Variants in SLX4IP observed in about 807,000 individuals in gnomAD.
SLX4IP encodes the protein protein SLX4IP.
In SLX4IP, 34 loss-of-function variants were observed where a neutral mutation model predicts 32.9. The ratio of observed to expected loss-of-function variants is 1.03; its 90% CI spans 0.79 to 1.38. The LOEUF (loss-of-function observed/expected upper bound fraction) is 1.38, where lower values mean the gene tolerates loss of function less well. Among genes scored for constraint, SLX4IP ranks in the 40% most tolerant of loss-of-function variants. The pLI is 0.00. For missense variants in SLX4IP, 444 were observed against 479.0 expected (o/e 0.93, Z 0.68); for synonymous variants, 172 against 171.7 (o/e 1.00, Z -0.01).
At chr20:10,603,782 G>A (rs2066870550) in intron 6 of SLX4IP, among the ~76,000 whole-genome samples, 1 of 152,062 alleles carries the variant, frequency 6.6e-6, no homozygotes, top group Non-Finnish European at 1.5e-5. Context: ...CAGGCCTCCA[G>A]CCCACTACTT....
At chr20:10,551,030 C>T (rs1329747468) in intron 2 of SLX4IP, among the ~76,000 whole-genome samples, 1 of 152,216 alleles carries the variant, frequency 6.6e-6, no homozygotes, top group African/African-American at 2.4e-5. Flanking sequence ...GACCTTTCTA[C>T]ATCTCTTAAG....
intron 2 of SLX4IP, among the ~76,000 whole-genome samples, chr20:10,482,237 C>T (rs1235806248): frequency 6.6e-6 from 1 of 152,148 alleles, no homozygotes; most frequent in South Asian, 2.1e-4. Flanking sequence ...CTCTAAGTGC[C>T]TTAAGCAATT....
At chr20:10,458,360 T>G in intron 2 of SLX4IP, 129 bp downstream of exon 2, 1 of 770,456 alleles carries the variant, frequency 1.3e-6, no homozygotes, top group Non-Finnish European at 2.0e-6. Context: ...AAAATTTTTT[T>G]TTTTCCTTCA....
At chr20:10,494,297 G>A (rs912275506) in intron 2 of SLX4IP, among the ~76,000 whole-genome samples, 1 of 151,472 alleles carries the variant, frequency 6.6e-6, no homozygotes, top group African/African-American at 2.4e-5. Context: ...GCCTGGGCCT[G>A]TGGTTCTAGG....
chr20:10,462,374 T>C (rs1037642494), intron 2 of SLX4IP, among the ~76,000 whole-genome samples: 3 of 152,232 alleles, frequency 2.0e-5, no homozygotes, highest in Admixed American at 2.0e-4. Flanking sequence ...AGAGTTGTGC[T>C]AAGGTATATC....
At chr20:10,519,510 T>C (rs970960192) in intron 2 of SLX4IP, among the ~76,000 whole-genome samples, 1 of 152,246 alleles carries the variant, frequency 6.6e-6, no homozygotes, top group Non-Finnish European at 1.5e-5. Context: ...CTTAGCAAAA[T>C]GTTTTCAAGG....
chr20:10,612,911 A>G (rs185341331), intron 6 of SLX4IP: 3 of 155,172 alleles, frequency 1.9e-5, no homozygotes, highest in East Asian at 3.8e-4. Flanking sequence ...TCTTACAAAA[A>G]TGCTTGAAGT....
At chr20:10,604,509 A>G (rs2066882179) in intron 6 of SLX4IP, among the ~76,000 whole-genome samples, 2 of 152,236 alleles carry the variant, frequency 1.3e-5, no homozygotes, top group African/African-American at 4.8e-5. Flanking sequence ...CAAGGAAGCC[A>G]GCTGCACTTA....
chr20:10,478,090 G>A (rs1342401902), intron 2 of SLX4IP, among the ~76,000 whole-genome samples: 1 of 151,812 alleles, frequency 6.6e-6, no homozygotes, highest in Non-Finnish European at 1.5e-5. Flanking sequence ...GTAGAGATGG[G>A]GTTTCACCGT....
intron 2 of SLX4IP, among the ~76,000 whole-genome samples, chr20:10,531,711 G>A (rs183900715): frequency 6.6e-6 from 1 of 152,262 alleles, no homozygotes; most frequent in African/African-American, 2.4e-5. Context: ...AGTGACTGGA[G>A]GTGGTTCCTG....
intron 6 of SLX4IP, chr20:10,613,415 C>A (rs1568772597): frequency 1.1e-5 from 17 of 1,570,582 alleles, no homozygotes; most frequent in Non-Finnish European, 1.5e-5. Context: ...CACCTAAGGA[C>A]CTTTGAAGAG....
At chr20:10,469,282 A>T (rs920237820) in intron 2 of SLX4IP, among the ~76,000 whole-genome samples, 1 of 152,134 alleles carries the variant, frequency 6.6e-6, no homozygotes, top group Non-Finnish European at 1.5e-5. Context: ...CCAGTCAGGG[A>T]ATGTTGTAAT....
intron 2 of SLX4IP, among the ~76,000 whole-genome samples, chr20:10,493,559 T>TTG (rs2065643610): frequency 7.2e-6 from 1 of 138,944 alleles, no homozygotes; most frequent in Non-Finnish European, 1.6e-5. Flanking sequence ...TTAAGTTCTT[T>TTG]TTTTTCAGCC....
intron 2 of SLX4IP, among the ~76,000 whole-genome samples, chr20:10,490,004 CA>C (rs1457448827): frequency 6.6e-6 from 1 of 151,806 alleles, no homozygotes; most frequent in Non-Finnish European, 1.5e-5. Flanking sequence ...AGGGAAGGGC[CA>C]AAAAAGTTCT....
In SLX4IP at chr20:10,436,437, A is replaced by G. The variant is rs1568680089; in HGVS notation, c.-30+984A>G. Among the ~76,000 whole-genome samples the G allele has an allele frequency of 2.0e-5, 3 of 151,600 alleles. 1 individual carries two copies. Among genetic ancestry groups the G allele is most frequent in the African/African-American group, 7.3e-5 (3 of 41,150 alleles). On this transcript the variant is annotated intron_variant, in intron 1 of 7. Transcript: ENST00000334534. ...AGTGGCGCGATCTTGGCTCACTGCC[A>G]TCTCCGCCCCCCGGGTTCAAGCAAT...
intron 4 of SLX4IP, among the ~76,000 whole-genome samples, chr20:10,575,705 C>G (rs141634791): frequency 3.9e-5 from 6 of 152,130 alleles, no homozygotes; most frequent in African/African-American, 1.4e-4. Context: ...AAAGCCTTCT[C>G]TTATCTAGGA....
At position 10,626,543 on chromosome 20, in the gene SLX4IP, G is replaced by A. The variant is rs71334901; in HGVS notation, c.*3164G>A. 1 of 152,170 alleles carries A rather than the reference G, an allele frequency of 6.6e-6. No individual in the cohort carries two copies. The highest frequency in any genetic ancestry group is 2.4e-5 in the African/African-American group (1 of 41,440). 9.4% of individuals were successfully genotyped at this position (152,170 alleles called of 1,614,324 possible). ...ATTTCCTAACTTTCTCAGCGGCATA[G>A]ATTCTAAGCCACTTCCATGTGCTTT... On this transcript the variant is annotated 3_prime_UTR_variant, in exon 8 of 8. Coordinates refer to ENST00000334534, the MANE Select transcript of SLX4IP (RefSeq NM_001009608.3).
At chr20:10,616,269 C>T (rs1276302103) in intron 6 of SLX4IP, among the ~76,000 whole-genome samples, 1 of 151,880 alleles carries the variant, frequency 6.6e-6, no homozygotes, top group African/African-American at 2.4e-5. Context: ...CTCCAAGACC[C>T]ATCATCTCTG....
intron 2 of SLX4IP, among the ~76,000 whole-genome samples, chr20:10,518,424 C>CTTT (rs746168045): frequency 1.3e-4 from 12 of 95,436 alleles, no homozygotes; most frequent in Non-Finnish European, 2.1e-4. Context: ...TCCTTCCTTC[C>CTTT]CTCCCTCCCT....
Sources: allele counts gnomAD v4.1 joint callset (sites outside exome capture counted in the v4.1 genomes callset), GRCh38; gene constraint gnomAD v4.1.1; transcripts MANE v1.5; gene names NCBI Gene and HGNC (gene_info 2026-07-23, HGNC 2026-07-21).